Variants in SEMA5A observed in about 807,000 individuals in gnomAD.
The protein encoded by SEMA5A is semaphorin 5A, also known as semaphorin-5A.
A neutral mutation model predicts 135.5 loss-of-function variants in SEMA5A; 55 were observed. That is an observed-to-expected ratio of 0.41 (90% CI 0.33 to 0.51). SEMA5A has a LOEUF of 0.51. Among genes scored for constraint, SEMA5A ranks in the 20% least tolerant of loss-of-function variants. SEMA5A has a pLI of 0.37. For missense variants in SEMA5A, 1,290 were observed against 1,419.9 expected (o/e 0.91, Z 1.47); for synonymous variants, 580 against 546.5 (o/e 1.06, Z -0.85).
chr5:9,507,740 C>G (rs1327334228), intron 1 of SEMA5A, among the ~76,000 whole-genome samples: 1 of 152,128 alleles, frequency 6.6e-6, no homozygotes, highest in Non-Finnish European at 1.5e-5. Context: ...TGCGGTGTCT[C>G]TCGCCTGTAA....
intron 3 of SEMA5A, among the ~76,000 whole-genome samples, chr5:9,348,677 A>G (rs776984508): frequency 6.6e-6 from 1 of 152,244 alleles, no homozygotes. Context: ...ATTACAAATG[A>G]TGTTAATATG....
rs187326472 is a variant in SEMA5A, at chr5:9,063,050, C to T, written c.2355G>A (p.Gly785=). 28 of 1,614,194 alleles carry T rather than the reference C, an allele frequency of 1.7e-5. No individual in the cohort carries two copies. In the Admixed American group the frequency reaches 4.3e-4, roughly 25 times the overall value. ...ACCACGACGTCCAGGCTGACCAAGC[C>T]CCGTTGACCGTGTGGGCAGAGTATC... ...AGRYSAHTVN[G]AWSAWTSWSQ... The change falls in exon 18 of 23, where the codon GGG becomes GGA. Residue 785 remains glycine, a synonymous_variant. Transcript: ENST00000382496.
chr5:9,310,364 A>G (rs1752071585), intron 5 of SEMA5A, among the ~76,000 whole-genome samples: 1 of 152,158 alleles, frequency 6.6e-6, no homozygotes, highest in Non-Finnish European at 1.5e-5. Flanking sequence ...TGATCAACAT[A>G]CCTTAGTTGT....
chr5:9,287,327 C>T (rs1258333170), intron 5 of SEMA5A, among the ~76,000 whole-genome samples: 1 of 152,166 alleles, frequency 6.6e-6, no homozygotes, highest in Non-Finnish European at 1.5e-5. Flanking sequence ...TATTTTTAGA[C>T]ATCACATAAT....
rs1053618670 is a variant in SEMA5A at position 9,149,099 on chromosome 5, T to C, written c.1481+5389A>G. On this transcript the variant is annotated intron_variant, in intron 12 of 22. Coordinates refer to ENST00000382496, the MANE Select transcript of SEMA5A (RefSeq NM_003966.3). The stretch of plus-strand genomic sequence containing the variant: ...ATTTTCTGCTCTTTTTTTGGCTAAG[T>C]AATAAACTGTCTGGATCTAAAAGCG... Among the ~76,000 whole-genome samples the C allele has an allele frequency of 2.0e-5, 3 of 152,190 alleles. No individual in the cohort carries two copies. In the East Asian group the frequency reaches 5.8e-4, roughly 29 times the overall value.
chr5:9,149,848 C>A (rs1447795260), intron 12 of SEMA5A, among the ~76,000 whole-genome samples: 2 of 152,100 alleles, frequency 1.3e-5, no homozygotes, highest in Non-Finnish European at 2.9e-5. Flanking sequence ...TCTTTTCCTC[C>A]TGAATTACAG....
chr5:9,052,726 G>C lies in SEMA5A; in HGVS notation c.2690-698C>G, dbSNP rs572876320. ...AAGGATACTTCATCCCGAAGTGGAA[G>C]ATTTACTAGGATGTGTGAAATTCAC... On this transcript the variant is annotated intron_variant, in intron 19 of 22. Coordinates refer to ENST00000382496, the MANE Select transcript of SEMA5A (RefSeq NM_003966.3). 2.2e-4 allele frequency among the ~76,000 whole-genome samples: 34 copies of C among 151,642 alleles called. 1 individual carries two copies. The South Asian group carries it at 7.2e-3, about 32-fold the overall frequency.
At chr5:9,207,102 G>GTATATATATATATA (rs70943947) in intron 8 of SEMA5A, among the ~76,000 whole-genome samples, 9,267 of 95,726 alleles carry the variant, frequency 0.097, 816 homozygotes, top group East Asian at 0.11. Context: ...ATGATCAAGT[G>GTATATATATATATA]TATATATATA....
intron 1 of SEMA5A, among the ~76,000 whole-genome samples, chr5:9,452,823 G>C (rs529847051): frequency 5.3e-5 from 8 of 152,228 alleles, no homozygotes; most frequent in African/African-American, 1.7e-4. Context: ...AAGCAATGAA[G>C]CCCAACGACA....
chr5:9,161,744 G>A (rs1743268431), intron 11 of SEMA5A, among the ~76,000 whole-genome samples: 1 of 152,206 alleles, frequency 6.6e-6, no homozygotes, highest in East Asian at 1.9e-4. Flanking sequence ...ACAACATCAT[G>A]AGCTTCAGTT....
At chr5:9,400,130 G>A (rs975494051) in intron 2 of SEMA5A, among the ~76,000 whole-genome samples, 3 of 152,094 alleles carry the variant, frequency 2.0e-5, no homozygotes, top group Non-Finnish European at 4.4e-5. Context: ...GACACAGCGA[G>A]GGGAACATCA....
chr5:9,532,956 C>T (rs1046283792), intron 1 of SEMA5A, among the ~76,000 whole-genome samples: 27 of 152,214 alleles, frequency 1.8e-4, no homozygotes, highest in Admixed American at 2.0e-4. Context: ...CAACTGCTCC[C>T]AATTTCATGC....
intron 1 of SEMA5A, among the ~76,000 whole-genome samples, chr5:9,518,766 T>C (rs946516318): frequency 1.3e-5 from 2 of 152,158 alleles, no homozygotes; most frequent in African/African-American, 4.8e-5. Flanking sequence ...AAGGAGAAAA[T>C]GACCACTTTA....
intron 5 of SEMA5A, among the ~76,000 whole-genome samples, chr5:9,314,031 C>T (rs1281358894): frequency 1.3e-5 from 2 of 152,156 alleles, no homozygotes; most frequent in South Asian, 2.1e-4. Context: ...TGGTGAACTA[C>T]ATTCATTTCT....
intron 16 of SEMA5A, among the ~76,000 whole-genome samples, chr5:9,070,885 T>C (rs1737735362): frequency 1.3e-5 from 2 of 152,212 alleles, no homozygotes; most frequent in Non-Finnish European, 2.9e-5. Context: ...ATGAGCAAAA[T>C]CATGAAGTGA....
At chr5:9,078,409 A>G (rs1738186127) in intron 16 of SEMA5A, among the ~76,000 whole-genome samples, 1 of 152,216 alleles carries the variant, frequency 6.6e-6, no homozygotes, top group African/African-American at 2.4e-5. Flanking sequence ...AGCATTGAAT[A>G]CATAACAAAA....
At chr5:9,406,264 T>C (rs141606290) in intron 2 of SEMA5A, among the ~76,000 whole-genome samples, 2 of 152,208 alleles carry the variant, frequency 1.3e-5, no homozygotes, top group African/African-American at 4.8e-5. Flanking sequence ...ATTTATAATG[T>C]GTGAAATAAA....
intron 1 of SEMA5A, among the ~76,000 whole-genome samples, chr5:9,523,998 C>T (rs371458): frequency 0.34 from 51,472 of 152,072 alleles, 8,902 homozygotes; most frequent in East Asian, 0.4. Context: ...CATGTCAAAT[C>T]ATAATCCCCA....
At chr5:9,047,066 C>T (rs1443330206) in intron 21 of SEMA5A, among the ~76,000 whole-genome samples, 6 of 152,200 alleles carry the variant, frequency 3.9e-5, no homozygotes, top group Non-Finnish European at 5.9e-5. Context: ...GACATTTCAC[C>T]AGCAGCCACT....
Sources: allele counts gnomAD v4.1 joint callset (sites outside exome capture counted in the v4.1 genomes callset), GRCh38; gene constraint gnomAD v4.1.1; transcripts MANE v1.5; gene names NCBI Gene and HGNC (gene_info 2026-07-23, HGNC 2026-07-21).